Variants in TBX15 observed in about 807,000 individuals in gnomAD.
TBX15 encodes the protein T-box transcription factor 15.
In TBX15, 18 loss-of-function variants were observed where a neutral mutation model predicts 53.9. The observed-to-expected ratio is 0.33, with a 90% CI of 0.23 to 0.49. TBX15 has a LOEUF of 0.49. Ranked by LOEUF, TBX15 falls within the 20% of genes least tolerant of loss-of-function variation. The probability of loss-of-function intolerance (pLI) is 0.98; values close to 1 mark genes in which losing one functional copy is unlikely to be tolerated. For synonymous variants in TBX15, 295 were observed against 278.0 expected, an observed-to-expected ratio of 1.06 and a Z score of -0.61; for missense variants, 692 against 749.5, an observed-to-expected ratio of 0.92 and a Z score of 0.90.
intron 1 of TBX15, among the ~76,000 whole-genome samples, chr1:118,974,040 CAAGGCCT>C (rs1455294948): frequency 6.6e-6 from 1 of 152,176 alleles, no homozygotes; most frequent in Non-Finnish European, 1.5e-5. Flanking sequence ...ATGAAATGAC[CAAGGCCT>C]GGCTGGTTGC....
intron 1 of TBX15, among the ~76,000 whole-genome samples, chr1:118,951,273 T>G (rs960102054): frequency 1.3e-5 from 2 of 152,220 alleles, no homozygotes; most frequent in African/African-American, 4.8e-5. Flanking sequence ...TACCTCCCAA[T>G]GTAGAAGACA....
intron 1 of TBX15, among the ~76,000 whole-genome samples, chr1:118,981,536 A>G (rs930441816): frequency 6.6e-6 from 1 of 152,214 alleles, no homozygotes; most frequent in Non-Finnish European, 1.5e-5. Context: ...ATAAAATGAA[A>G]AGTAGTCATT....
At position 118,939,429 on chromosome 1, in the gene TBX15, A is replaced by C. The variant is rs1480225959; in HGVS notation, c.206-7597T>G. On this transcript the variant is annotated intron_variant, in intron 1 of 7. Coordinates refer to ENST00000369429, the MANE Select transcript of TBX15 (RefSeq NM_001330677.2). Reference sequence around the variant, plus strand: ...TCTCAAAAAAAAAAAAAAAAAAAAAAAAAAAAACAAAAACAGGAACAGAAA... The same window carrying C: ...TCTCAAAAAAAAAAAAAAAAAAAAACAAAAAAACAAAAACAGGAACAGAAA... Among the ~76,000 whole-genome samples the C allele has an allele frequency of 1.8e-4, 18 of 100,930 alleles. No homozygotes were observed. In the South Asian group the frequency reaches 4.4e-3, roughly 24 times the overall value. 66.2% of individuals were successfully genotyped at this position (100,930 alleles called of 152,430 possible). A position where few individuals can be genotyped will look rare whatever the true frequency, so the allele number is the denominator to read the frequency against.
At chr1:118,972,031 C>A (rs894476423) in intron 1 of TBX15, among the ~76,000 whole-genome samples, 16 of 152,158 alleles carry the variant, frequency 1.1e-4, no homozygotes, top group African/African-American at 3.9e-4. Context: ...CAAAGGGGGA[C>A]CCTTGTATTT....
At chr1:118,972,321 A>G (rs907322561) in intron 1 of TBX15, among the ~76,000 whole-genome samples, 1 of 152,342 alleles carries the variant, frequency 6.6e-6, no homozygotes, top group East Asian at 1.9e-4. Flanking sequence ...GTCAATTAAC[A>G]TTTATATCAA....
chr1:118,887,846 G>C (rs1372234140), intron 7 of TBX15, among the ~76,000 whole-genome samples: 1 of 152,108 alleles, frequency 6.6e-6, no homozygotes, highest in Non-Finnish European at 1.5e-5. Context: ...ACATCCATGG[G>C]CATAGGTAGT....
chr1:118,934,719 T>A (rs904582186), intron 1 of TBX15, among the ~76,000 whole-genome samples: 6 of 152,180 alleles, frequency 3.9e-5, no homozygotes, highest in African/African-American at 9.7e-5. Context: ...CTCAGATGTC[T>A]CTTAGAAGTC....
chr1:118,950,734 C>A (rs1218737704), intron 1 of TBX15, among the ~76,000 whole-genome samples: 2 of 152,164 alleles, frequency 1.3e-5, no homozygotes, highest in Non-Finnish European at 2.9e-5. Context: ...AATAGGAAAG[C>A]TTAACTCAGA....
At chr1:118,916,389 G>T (rs1557882649) in intron 5 of TBX15, among the ~76,000 whole-genome samples, 1 of 152,014 alleles carries the variant, frequency 6.6e-6, no homozygotes, top group Non-Finnish European at 1.5e-5. Flanking sequence ...AAAGGACAAA[G>T]GAAGCATTTC....
At chr1:118,948,917 C>T (rs1656426774) in intron 1 of TBX15, among the ~76,000 whole-genome samples, 1 of 152,178 alleles carries the variant, frequency 6.6e-6, no homozygotes. Flanking sequence ...TTATCATGCT[C>T]CTAAACTGCC....
chr1:118,960,528 C>G (rs1364888257), intron 1 of TBX15, among the ~76,000 whole-genome samples: 1 of 152,142 alleles, frequency 6.6e-6, no homozygotes, highest in Non-Finnish European at 1.5e-5. Context: ...GAAGAGGAGG[C>G]CAGTCCTAAA....
At chr1:118,980,647 C>G (rs1168706304) in intron 1 of TBX15, among the ~76,000 whole-genome samples, 1 of 152,022 alleles carries the variant, frequency 6.6e-6, no homozygotes, top group East Asian at 1.9e-4. Context: ...CTTAGTTATT[C>G]CGTTTACTTT....
At chr1:118,939,069 G>A (rs965977473) in intron 1 of TBX15, among the ~76,000 whole-genome samples, 1 of 151,996 alleles carries the variant, frequency 6.6e-6, no homozygotes, top group Admixed American at 6.6e-5. Context: ...CATGTCCTTC[G>A]CAGCAACATG....
chr1:118,972,643 G>A (rs1384058897), intron 1 of TBX15, among the ~76,000 whole-genome samples: 1 of 151,984 alleles, frequency 6.6e-6, no homozygotes, highest in African/African-American at 2.4e-5. Context: ...TTTTCATCCA[G>A]GCTGGAGTGT....
At position 118,987,826 on chromosome 1, in the gene TBX15, C is replaced by A; in HGVS notation, c.-31G>T. 6.5e-7 allele frequency: 1 copy of A among 1,545,558 alleles called. No homozygotes were observed. The highest frequency in any genetic ancestry group is 8.7e-7 in the Non-Finnish European group (1 of 1,144,816). On this transcript the variant is annotated 5_prime_UTR_variant, in exon 1 of 8. Transcript: ENST00000369429. ...CCGCCCACACCCCTGCCTCCGCTTG[C>A]CCCCGCTACCGAGGGAGCAGCCGGC...
At chr1:118,964,040 C>T (rs901884687) in intron 1 of TBX15, among the ~76,000 whole-genome samples, 5 of 152,198 alleles carry the variant, frequency 3.3e-5, no homozygotes, top group Non-Finnish European at 7.3e-5. Flanking sequence ...CCATTTAAGC[C>T]ACCCCAGCTG....
intron 6 of TBX15, among the ~76,000 whole-genome samples, chr1:118,905,449 A>G (rs570121389): frequency 1.3e-5 from 2 of 152,332 alleles, no homozygotes; most frequent in African/African-American, 4.8e-5. Context: ...CGAACAAATA[A>G]GGCAGAAAAA....
At chr1:118,922,782 G>A (rs1465593580) in intron 5 of TBX15, among the ~76,000 whole-genome samples, 1 of 152,130 alleles carries the variant, frequency 6.6e-6, no homozygotes, top group East Asian at 1.9e-4. Flanking sequence ...GTGAGTTGTA[G>A]CTTTCTAGTT....
intron 1 of TBX15, among the ~76,000 whole-genome samples, 183 bp from the exon 2 acceptor site, chr1:118,932,015 T>C (rs1655809207): frequency 6.6e-6 from 1 of 152,174 alleles, no homozygotes; most frequent in South Asian, 2.1e-4. Context: ...GGTTTGTTTT[T>C]GTGATTTATG....
Sources: gnomAD v4.1 joint callset for allele counts (sites outside exome capture counted in the v4.1 genomes callset) on GRCh38, gnomAD v4.1.1 for gene constraint, MANE v1.5 for transcripts, NCBI Gene and HGNC (gene_info 2026-07-23, HGNC 2026-07-21) for gene names.